The following CETN3 variants were observed in gnomAD, a reference collection of about 807,000 sequenced individuals.
CETN3 encodes the protein centrin-3.
CETN3 carries 17 observed loss-of-function variants against 20.1 expected under a neutral mutation model. The observed-to-expected ratio is 0.85, with a 90% CI of 0.58 to 1.27. CETN3 has a LOEUF of 1.27. Ranked by LOEUF, CETN3 falls within the 50% of genes most tolerant of loss-of-function variation. The probability of loss-of-function intolerance (pLI) is 0.00; values close to 1 mark genes in which losing one functional copy is unlikely to be tolerated. For missense variants in CETN3, 169 were observed against 191.2 expected (o/e 0.88, Z 0.69); for synonymous variants, 52 against 59.7 (o/e 0.87, Z 0.59).
chr5:90,403,599 C>T (rs970699753), intron 3 of CETN3, among the ~76,000 whole-genome samples: 11 of 152,008 alleles, frequency 7.2e-5, no homozygotes, highest in Non-Finnish European at 1.0e-4. Context: ...TGGCCGGGCG[C>T]GGTGGCTCAC....
intron 4 of CETN3, 155 bp downstream of exon 4, chr5:90,399,203 T>C: frequency 1.5e-6 from 1 of 669,468 alleles, no homozygotes; most frequent in Middle Eastern, 4.1e-4. Flanking sequence ...ATCTGCTTCA[T>C]TCTAAATTGA....
intron 4 of CETN3, 87 bp from the exon 5 acceptor site, chr5:90,394,194 T>C: frequency 1.2e-6 from 1 of 862,042 alleles, no homozygotes; most frequent in African/African-American, 1.7e-5. Context: ...ACTAAGTATT[T>C]AAAAAATTTT....
intron 1 of CETN3, 119 bp from the exon 2 acceptor site, chr5:90,407,953 C>T: frequency 2.3e-6 from 2 of 854,232 alleles, no homozygotes; most frequent in Non-Finnish European, 3.4e-6. Context: ...GATAGGGAAA[C>T]TTTCCCTTTA....
intron 3 of CETN3, among the ~76,000 whole-genome samples, chr5:90,403,404 A>C (rs574876684): frequency 6.6e-6 from 1 of 152,356 alleles, no homozygotes; most frequent in Non-Finnish European, 1.5e-5. Context: ...GATAGCTAAG[A>C]TACATGTTGA....
chr5:90,394,138 A>C (rs1379742284), intron 4 of CETN3, 31 bp from the exon 5 acceptor site: 1 of 1,411,596 alleles, frequency 7.1e-7, no homozygotes, highest in African/African-American at 1.4e-5. Flanking sequence ...AAATAGTCAG[A>C]AATATAAACA....
intron 4 of CETN3, among the ~76,000 whole-genome samples, chr5:90,398,084 C>G (rs1304473821): frequency 6.6e-6 from 1 of 152,034 alleles, no homozygotes; most frequent in Non-Finnish European, 1.5e-5. Context: ...GTGACTCTTT[C>G]TGTATCATTA....
At chr5:90,394,200 AT>A in intron 4 of CETN3, 93 bp from the exon 5 acceptor site, 1 of 793,752 alleles carries the variant, frequency 1.3e-6, no homozygotes, top group Non-Finnish European at 2.0e-6. Flanking sequence ...TATTTAAAAA[AT>A]TTTACATTAT....
At position 90,394,047 on chromosome 5, in the gene CETN3, T is replaced by C; in HGVS notation, c.*17A>G. 1 of 1,503,086 alleles carries C rather than the reference T, an allele frequency of 6.7e-7. No homozygotes were observed. The highest frequency in any genetic ancestry group is 1.2e-5 in the South Asian group (1 of 85,530). 93.1% of individuals were successfully genotyped at this position (1,503,086 alleles called of 1,614,324 possible). A position where few individuals can be genotyped will look rare whatever the true frequency, so the allele number is the denominator to read the frequency against. ...GATGGTAACTGCAACATTCTTAGTG[T>C]TTATCCTTGTAATTCTTTAAATGTC... On this transcript the variant is annotated 3_prime_UTR_variant, in exon 5 of 5. Transcript: ENST00000283122.
In CETN3 at chr5:90,396,823, A is replaced by C. The variant is rs1020500380; in HGVS notation, c.460+2535T>G. Among the ~76,000 whole-genome samples, 21 of 152,228 alleles carry C rather than the reference A, an allele frequency of 1.4e-4. No homozygotes were observed. The South Asian group carries it at 1.7e-3, about 12-fold the overall frequency. ...AAACTTTAAACTATAATAGCATTTC[A>C]AAAGTATTTAAAATACGGTCAGCCT... On this transcript the variant is annotated intron_variant, in intron 4 of 4. Transcript: ENST00000283122.
chr5:90,398,709 T>G (rs925932633), intron 4 of CETN3, among the ~76,000 whole-genome samples: 2 of 152,222 alleles, frequency 1.3e-5, no homozygotes, highest in Non-Finnish European at 2.9e-5. Flanking sequence ...CTTTACTCTG[T>G]AGGCACTGAA....
chr5:90,404,722 T>C (rs1749389264), intron 3 of CETN3, among the ~76,000 whole-genome samples: 1 of 152,200 alleles, frequency 6.6e-6, no homozygotes, highest in Admixed American at 6.5e-5. Context: ...CGTCTACTAA[T>C]TGCCATTTCT....
chr5:90,408,800 C>CAA (rs74585512), intron 1 of CETN3, among the ~76,000 whole-genome samples: 1,737 of 96,180 alleles, frequency 0.018, 53 homozygotes, highest in African/African-American at 0.053. Flanking sequence ...CTGAAAGCTC[C>CAA]AAAAAAAAAA....
intron 3 of CETN3, 172 bp downstream of exon 3, chr5:90,405,513 A>G (rs1749413436): frequency 3.5e-6 from 2 of 566,470 alleles, no homozygotes; most frequent in South Asian, 4.9e-5. Flanking sequence ...GAGCAAAGCC[A>G]TATTTTTTCT....
intron 1 of CETN3, 98 bp from the exon 2 acceptor site, chr5:90,407,932 C>A (rs957979376): frequency 1.9e-6 from 2 of 1,038,810 alleles, no homozygotes; most frequent in Non-Finnish European, 2.7e-6. Flanking sequence ...AAAGAAAGTA[C>A]TTTGGAGAAA....
intron 3 of CETN3, among the ~76,000 whole-genome samples, chr5:90,404,448 G>A (rs1022271647): frequency 6.6e-6 from 1 of 152,150 alleles, no homozygotes; most frequent in Non-Finnish European, 1.5e-5. Context: ...TAAACTTCAG[G>A]AGAGTGTCCA....
At chr5:90,396,617 C>G (rs933969717) in intron 4 of CETN3, 35 of 1,322,866 alleles carry the variant, frequency 2.6e-5, no homozygotes, top group Non-Finnish European at 3.5e-5. Flanking sequence ...GATTACAAAT[C>G]ATTTTAACAG....
At chr5:90,403,513 G>C (rs1375285036) in intron 3 of CETN3, among the ~76,000 whole-genome samples, 1 of 152,104 alleles carries the variant, frequency 6.6e-6, no homozygotes, top group African/African-American at 2.4e-5. Flanking sequence ...TAATAACATA[G>C]AACAGATGGG....
intron 4 of CETN3, chr5:90,395,655 A>G (rs1749121491): frequency 6.1e-6 from 1 of 164,718 alleles, no homozygotes; most frequent in Admixed American, 6.5e-5. Context: ...TTCTTGATAT[A>G]TGAAATTTAT....
In CETN3 at chr5:90,409,102, C is replaced by A. The variant is rs563268411; in HGVS notation, c.17+543G>T. Among the ~76,000 whole-genome samples, 6 of 152,116 alleles carry A rather than the reference C, an allele frequency of 3.9e-5. No individual in the cohort carries two copies. In the East Asian group the frequency reaches 1.2e-3, roughly 30 times the overall value. On this transcript the variant is annotated intron_variant, in intron 1 of 4. Transcript: ENST00000283122. Reference sequence around the variant, plus strand: ...GGCAACAGAGGGTTAGAGGTTAGAACTGAAAGGTAAAAAAATGCAAGAAAT... The same window carrying A: ...GGCAACAGAGGGTTAGAGGTTAGAAATGAAAGGTAAAAAAATGCAAGAAAT...
Sources: allele counts gnomAD v4.1 joint callset (sites outside exome capture counted in the v4.1 genomes callset), GRCh38; gene constraint gnomAD v4.1.1; transcripts MANE v1.5; gene names NCBI Gene and HGNC (gene_info 2026-07-23, HGNC 2026-07-21).